Variants in RNF168 observed in about 807,000 individuals in gnomAD.
RNF168 encodes the protein E3 ubiquitin-protein ligase RNF168.
A neutral mutation model predicts 34.9 loss-of-function variants in RNF168; 34 were observed. That is an observed-to-expected ratio of 0.97 (90% CI 0.74 to 1.30). The LOEUF (loss-of-function observed/expected upper bound fraction) is 1.30. RNF168 is among the 50% of genes most tolerant of loss of function. The pLI, the probability that RNF168 is intolerant of heterozygous loss-of-function variation, is 0.00. For missense variants in RNF168, 725 were observed against 682.5 expected (o/e 1.06, Z -0.69); for synonymous variants, 264 against 254.7 (o/e 1.04, Z -0.35).
chr3:196,489,140 G>A (rs9754933), intron 1 of RNF168, among the ~76,000 whole-genome samples: 10,699 of 152,196 alleles, frequency 0.07, 452 homozygotes, highest in Middle Eastern at 0.2. Context: ...ACAGGTGTGA[G>A]CCACCACGCC....
chr3:196,470,478 T>C lies in RNF168; in HGVS notation c.*1341A>G, dbSNP rs1344816253. 2.0e-5 allele frequency: 3 copies of C among 149,166 alleles called. No individual in the cohort carries two copies. Among genetic ancestry groups the C allele is most frequent in the Admixed American group, 1.3e-4 (2 of 14,858 alleles). 9.2% of individuals were successfully genotyped at this position (149,166 alleles called of 1,614,324 possible). A position where few individuals can be genotyped will look rare whatever the true frequency, so the allele number is the denominator to read the frequency against. On this transcript the variant is annotated 3_prime_UTR_variant, in exon 6 of 6. Coordinates refer to ENST00000318037, the MANE Select transcript of RNF168 (RefSeq NM_152617.4). ...CCTCATCCTCATCTGGACCCGTTTC[T>C]GACCAACCACCCAATCAGTTTCAAT... is the stretch of plus-strand genomic sequence containing the variant.
chr3:196,491,413 C>T (rs948407128), intron 1 of RNF168, among the ~76,000 whole-genome samples: 14 of 152,020 alleles, frequency 9.2e-5, no homozygotes, highest in African/African-American at 3.4e-4. Context: ...TTTTGGGAGG[C>T]CGAGGCAGGT....
Position 196,472,505 on chromosome 3 carries a change from C to A in RNF168, c.1030G>T (p.Ala344Ser), listed in dbSNP as rs143837151. Residue 344 changes from alanine to serine, a missense_variant, in exon 6 of 6, where the codon GCA (alanine) becomes TCA (serine). By Grantham distance (99) the Ala-to-Ser change is moderately conservative. Transcript: ENST00000318037. ...TCTGTTCTGCCACAAGGCATAACTG[C>A]AGTTTCTTTCGAGTAGGGAACTCTG... ...KTRVPYSKET[A>S]VMPCGRTESG... The A allele has an allele frequency of 6.2e-7, 1 of 1,614,198 alleles. No individual in the cohort carries two copies. The highest frequency in any genetic ancestry group is 1.1e-5 in the South Asian group (1 of 91,074).
rs76770765 is a variant in RNF168 at position 196,496,774 on chromosome 3, C to T, written c.301+6099G>A. On this transcript the variant is annotated intron_variant, in intron 1 of 5. Coordinates refer to ENST00000318037, the MANE Select transcript of RNF168 (RefSeq NM_152617.4). ...ATTCCAGCACTTCAGGAGGCTGAGA[C>T]GGGAGGACTGCTTGAGGTGAGCTGT... Among the ~76,000 whole-genome samples the T allele has an allele frequency of 8.3e-3, 1,263 of 152,148 alleles. 18 individuals carry two copies. Among genetic ancestry groups the T allele is most frequent in the African/African-American group, 0.028 (1,177 of 41,490 alleles).
chr3:196,503,100 T>C lies in RNF168; in HGVS notation c.74A>G (p.Glu25Gly), dbSNP rs772738872. Residue 25 changes from glutamate (E) to glycine (G), a missense_variant, in exon 1 of 6, where the codon GAG (glutamate) becomes GGG (glycine). Coordinates refer to ENST00000318037, the MANE Select transcript of RNF168 (RefSeq NM_152617.4). ...GTGGTTACACGGGAGGGTGACGGGC[T>C]CCACGAGGATTTCCATGCAGATCCC... is the stretch of plus-strand genomic sequence containing the variant. Reference protein sequence around the residue: ...QCGICMEILVEPVTLPCNHTL... With the variant: ...QCGICMEILVGPVTLPCNHTL... 7.7e-5 allele frequency: 124 copies of C among 1,613,890 alleles called. No homozygotes were observed. Among genetic ancestry groups the C allele is most frequent in the Non-Finnish European group, 9.6e-5 (113 of 1,179,982 alleles).
rs145416995 is a variant in RNF168, at chr3:196,475,310, T to C, written c.683A>G (p.Tyr228Cys). ...CCCAAACTGAGATTTCGGTGTCAAA[T>C]ACCTAAAAGAAAAGTTTACCAAAGT... ...KQRNTGDIQK[Y>C]LTPKSQFGSA... is the part of the protein sequence containing the mutation. Residue 228 changes from tyrosine (Y) to cysteine (C), a missense_variant and splice_region_variant, in exon 5 of 6, where the codon TAT becomes TGT. Coordinates refer to ENST00000318037, the MANE Select transcript of RNF168 (RefSeq NM_152617.4). The C allele has an allele frequency of 2.5e-6, 4 of 1,594,982 alleles. No homozygotes were observed. The highest frequency in any genetic ancestry group is 3.4e-6 in the Non-Finnish European group (4 of 1,162,634).
At chr3:196,500,718 T>A (rs1732858736) in intron 1 of RNF168, among the ~76,000 whole-genome samples, 1 of 147,014 alleles carries the variant, frequency 6.8e-6, no homozygotes, top group African/African-American at 2.5e-5. Context: ...TTTACCACAA[T>A]TTTTTTTTTT....
chr3:196,503,275 T>C lies in RNF168; in HGVS notation c.-102A>G. 1.0e-6 allele frequency: 1 copy of C among 999,046 alleles called. No individual in the cohort carries two copies. The highest frequency in any genetic ancestry group is 1.6e-6 in the Non-Finnish European group (1 of 641,874). The allele number at this position is 999,046 out of a possible 1,614,324, so 61.9% of individuals were successfully genotyped here. On this transcript the variant is annotated 5_prime_UTR_variant, in exon 1 of 6. The change creates a new upstream start codon in the 5' untranslated region. Transcript: ENST00000318037. ...GAGCAAAAGCAGTTTTGTGTTTCAG[T>C]ATTATGCCCAGAAGCGTATCAGAAT...
At chr3:196,486,140 G>A (rs1373493589) in intron 3 of RNF168, among the ~76,000 whole-genome samples, 1 of 152,084 alleles carries the variant, frequency 6.6e-6, no homozygotes, top group Non-Finnish European at 1.5e-5. Flanking sequence ...GAACATCCAA[G>A]TTTAATACAT....
chr3:196,483,951 C>T (rs1430503165), intron 3 of RNF168, 60 bp from the exon 4 acceptor site: 2 of 1,289,622 alleles, frequency 1.6e-6, no homozygotes, highest in East Asian at 2.3e-5. Context: ...ATAAAATAAG[C>T]TATTAATTTG....
chr3:196,502,748 G>A (rs912718805), intron 1 of RNF168, 125 bp downstream of exon 1: 2 of 829,950 alleles, frequency 2.4e-6, no homozygotes, highest in South Asian at 1.4e-5. Flanking sequence ...TAACCTCTGA[G>A]AACTATTTAG....
chr3:196,491,752 T>A (rs1732603007), intron 1 of RNF168, among the ~76,000 whole-genome samples: 1 of 152,120 alleles, frequency 6.6e-6, no homozygotes, highest in South Asian at 2.1e-4. Context: ...GTTTTTTTTT[T>A]ATAATAGTCA....
chr3:196,488,165 G>T (rs2108650518), intron 2 of RNF168, among the ~76,000 whole-genome samples: 1 of 152,118 alleles, frequency 6.6e-6, no homozygotes, highest in Admixed American at 6.6e-5. Context: ...AAAAAACAAA[G>T]CCCTTATAAA....
At chr3:196,500,302 T>C (rs1577524795) in intron 1 of RNF168, among the ~76,000 whole-genome samples, 1 of 152,198 alleles carries the variant, frequency 6.6e-6, no homozygotes, top group Non-Finnish European at 1.5e-5. Context: ...AGCATATACA[T>C]ACACTGGAAC....
At chr3:196,486,375 T>G (rs768792161) in intron 3 of RNF168, among the ~76,000 whole-genome samples, 2 of 152,166 alleles carry the variant, frequency 1.3e-5, no homozygotes, top group Non-Finnish European at 2.9e-5. Flanking sequence ...GAGATGGTCT[T>G]CCAGGTTGAA....
chr3:196,491,790 T>C (rs911161212), intron 1 of RNF168, among the ~76,000 whole-genome samples: 2 of 151,874 alleles, frequency 1.3e-5, no homozygotes, highest in Non-Finnish European at 2.9e-5. Context: ...ACACACATAA[T>C]GGAGTATGCG....
At chr3:196,491,352 A>G (rs1424009195) in intron 1 of RNF168, among the ~76,000 whole-genome samples, 1 of 149,102 alleles carries the variant, frequency 6.7e-6, no homozygotes, top group African/African-American at 2.5e-5. Context: ...AACCCAAATA[A>G]AACAACTGAC....
chr3:196,495,101 G>A (rs749185658), intron 1 of RNF168, among the ~76,000 whole-genome samples: 4 of 152,122 alleles, frequency 2.6e-5, no homozygotes, highest in Non-Finnish European at 5.9e-5. Context: ...TACAGAAATT[G>A]CAAAAATAGT....
rs1311911183 is a variant in RNF168, at chr3:196,487,579, C to T, written c.379-1G>A. The T allele has an allele frequency of 1.9e-6, 3 of 1,613,872 alleles. No homozygotes were observed. Among genetic ancestry groups the T allele is most frequent in the Non-Finnish European group, 2.5e-6 (3 of 1,179,882 alleles). On this transcript the variant is annotated splice_acceptor_variant, in intron 2 of 5. Coordinates refer to ENST00000318037, the MANE Select transcript of RNF168 (RefSeq NM_152617.4). LOFTEE classifies it high-confidence loss of function. ...CGCTGGCCCGTCGCTCTGCCGCCACCTTAAAAGTGATTAATAAAGAGCAAT... is the reference window on the plus strand; with the variant it reads ...CGCTGGCCCGTCGCTCTGCCGCCACTTTAAAAGTGATTAATAAAGAGCAAT...
Sources: gnomAD v4.1 joint callset for allele counts (sites outside exome capture counted in the v4.1 genomes callset) on GRCh38, gnomAD v4.1.1 for gene constraint, MANE v1.5 for transcripts, NCBI Gene and HGNC (gene_info 2026-07-23, HGNC 2026-07-21) for gene names.